EYA4: variants seen among roughly 807,000 people sequenced by gnomAD.
EYA4 encodes protein phosphatase EYA4.
EYA4 carries 31 observed loss-of-function variants against 87.9 expected under a neutral mutation model. The ratio of observed to expected loss-of-function variants is 0.35; its 90% CI spans 0.27 to 0.48. EYA4 has a LOEUF of 0.48. Ranked by LOEUF, EYA4 falls within the 20% of genes least tolerant of loss-of-function variation. The pLI is 0.99. For missense variants in EYA4, 678 were observed against 761.4 expected (o/e 0.89, Z 1.29); for synonymous variants, 263 against 270.6 (o/e 0.97, Z 0.28).
rs73557769 is a variant in EYA4 at position 133,300,130 on chromosome 6, G to A, written c.33+25317G>A. Among the ~76,000 whole-genome samples the A allele has an allele frequency of 1.4e-3, 210 of 152,142 alleles. 1 individual carries two copies. Among genetic ancestry groups the A allele is most frequent in the African/African-American group, 5.0e-3 (209 of 41,506 alleles). ...AATATTAAGAAAATCATAAGGAAGA[G>A]CAAGTAGATTTACTGTTCATTCAGT... is the stretch of plus-strand genomic sequence containing the variant. On this transcript the variant is annotated intron_variant, in intron 2 of 19. Transcript: ENST00000355286.
At chr6:133,272,522 A>C (rs545244403) in intron 1 of EYA4, among the ~76,000 whole-genome samples, 11 of 152,224 alleles carry the variant, frequency 7.2e-5, no homozygotes, top group African/African-American at 2.6e-4. Flanking sequence ...TGACTTGATG[A>C]CTCGTAGTCA....
intron 3 of EYA4, among the ~76,000 whole-genome samples, chr6:133,389,806 C>A (rs1163781310): frequency 1.3e-5 from 2 of 152,162 alleles, no homozygotes; most frequent in Non-Finnish European, 2.9e-5. Context: ...TATAGCCCCC[C>A]CAATTTTCTA....
At chr6:133,410,633 T>TTTTTTTTTTTTTTTTTTTTTTTGAGACAG (rs1554252061) in intron 3 of EYA4, among the ~76,000 whole-genome samples, 3 of 148,720 alleles carry the variant, frequency 2.0e-5, no homozygotes. Context: ...ACTAAGGTCT[T>TTTTTTTTTTTTTTTTTTTTTTTGAGACAG]AATTCCTTCT....
chr6:133,531,623 A>G lies in EYA4; in HGVS notation c.*2818A>G, dbSNP rs886197124. On this transcript the variant is annotated 3_prime_UTR_variant, in exon 20 of 20. Coordinates refer to ENST00000355286, the MANE Select transcript of EYA4 (RefSeq NM_004100.5). ...CCATAACAAAATAGGTGGCCTGGCT[A>G]TGGTATTATAGCATACAATTAGGAC... The G allele has an allele frequency of 1.1e-5, 2 of 182,674 alleles. No homozygotes were observed. Among genetic ancestry groups the G allele is most frequent in the Non-Finnish European group, 2.3e-5 (2 of 87,000 alleles). The allele number at this position is 182,674 out of a possible 1,614,324, so 11.3% of individuals were successfully genotyped here.
chr6:133,463,354 C>CTT (rs571663764), intron 9 of EYA4, among the ~76,000 whole-genome samples: 240 of 115,216 alleles, frequency 2.1e-3, no homozygotes, highest in African/African-American at 3.6e-3. Context: ...TGTGTTTTAT[C>CTT]TTTTTTTTTT....
At chr6:133,400,095 G>T (rs1788127596) in intron 3 of EYA4, among the ~76,000 whole-genome samples, 1 of 152,154 alleles carries the variant, frequency 6.6e-6, no homozygotes, top group African/African-American at 2.4e-5. Flanking sequence ...CATATTTATA[G>T]CTTTTTGCAC....
intron 19 of EYA4, chr6:133,525,841 A>G: frequency 1.1e-6 from 1 of 921,264 alleles, no homozygotes; most frequent in Non-Finnish European, 1.3e-6. Flanking sequence ...AGATTTTAAT[A>G]AGTGCTACTG....
At chr6:133,276,901 CAAAA>C (rs3065337) in intron 2 of EYA4, among the ~76,000 whole-genome samples, 6,947 of 133,674 alleles carry the variant, frequency 0.052, 555 homozygotes, top group African/African-American at 0.18. Context: ...ATAGAAATGT[CAAAA>C]AAAAAAAAAA....
At chr6:133,352,674 T>C (rs1225529312) in intron 2 of EYA4, among the ~76,000 whole-genome samples, 1 of 152,084 alleles carries the variant, frequency 6.6e-6, no homozygotes, top group Non-Finnish European at 1.5e-5. Context: ...AAAAAGAAAA[T>C]AATTGGAATC....
rs1013323240 is a variant in EYA4 at position 133,369,229 on chromosome 6, G to A, written c.34-13163G>A. On this transcript the variant is annotated intron_variant, in intron 2 of 19. Coordinates refer to ENST00000355286, the MANE Select transcript of EYA4 (RefSeq NM_004100.5). Reference sequence around the variant, plus strand: ...TTTTCATAAGCTATTAGAATAAAAGGGAATGTTAATATCAGATAATAGCAT... The same window carrying A: ...TTTTCATAAGCTATTAGAATAAAAGAGAATGTTAATATCAGATAATAGCAT... Among the ~76,000 whole-genome samples, 4 of 151,890 alleles carry A rather than the reference G, an allele frequency of 2.6e-5. No homozygotes were observed. In the South Asian group the frequency reaches 8.4e-4, roughly 32 times the overall value.
chr6:133,469,320 G>C (rs1191352400), intron 11 of EYA4, among the ~76,000 whole-genome samples: 1 of 152,068 alleles, frequency 6.6e-6, no homozygotes, highest in Non-Finnish European at 1.5e-5. Context: ...ATAATCCTAA[G>C]AAAAGTTCCA....
Position 133,528,899 on chromosome 6 carries a change from G to T in EYA4, c.*94G>T. 3 of 1,602,436 alleles carry T rather than the reference G, an allele frequency of 1.9e-6. No homozygotes were observed. Among genetic ancestry groups the T allele is most frequent in the Non-Finnish European group, 1.7e-6 (2 of 1,173,386 alleles). On this transcript the variant is annotated 3_prime_UTR_variant, in exon 20 of 20. Transcript: ENST00000355286. ...GCCTCTGGCTCTACACATATAAATT[G>T]TCTTAATGGATGAAATCATATTTGG...
At chr6:133,384,151 G>A (rs754531658) in intron 3 of EYA4, among the ~76,000 whole-genome samples, 6 of 152,114 alleles carry the variant, frequency 3.9e-5, no homozygotes, top group Non-Finnish European at 5.9e-5. Flanking sequence ...AACAGAAAGC[G>A]ATCAAACTGA....
Position 133,464,871 on chromosome 6 carries a change from T to A in EYA4, c.804+13T>A. On this transcript the variant is annotated intron_variant, in intron 10 of 19. Coordinates refer to ENST00000355286, the MANE Select transcript of EYA4 (RefSeq NM_004100.5). ...TGGTTCACAACAGGTATAGTAGCTTTTTGTGTTTATGCTTTTTATATGTAT... is the reference window on the plus strand; with the variant it reads ...TGGTTCACAACAGGTATAGTAGCTTATTGTGTTTATGCTTTTTATATGTAT... 1 of 1,570,894 alleles carries A rather than the reference T, an allele frequency of 6.4e-7. No homozygotes were observed. Among genetic ancestry groups the A allele is most frequent in the Non-Finnish European group, 8.8e-7 (1 of 1,141,854 alleles).
chr6:133,462,160 G>T (rs1049501640), intron 7 of EYA4, 175 bp from the exon 8 acceptor site: 5 of 732,770 alleles, frequency 6.8e-6, no homozygotes. Flanking sequence ...AGATTGGCTT[G>T]TAGCAGAGCC....
At chr6:133,270,035 G>T (rs950212588) in intron 1 of EYA4, among the ~76,000 whole-genome samples, 6 of 152,266 alleles carry the variant, frequency 3.9e-5, no homozygotes, top group African/African-American at 1.4e-4. Context: ...TTTTCTACCT[G>T]CTTTATATTC....
intron 3 of EYA4, among the ~76,000 whole-genome samples, chr6:133,436,039 T>A (rs2128597289): frequency 6.6e-6 from 1 of 152,110 alleles, no homozygotes; most frequent in South Asian, 2.1e-4. Context: ...GCCAACATGG[T>A]GAAACCCCGT....
chr6:133,495,864 C>T (rs1016102245), intron 13 of EYA4, among the ~76,000 whole-genome samples: 5 of 152,152 alleles, frequency 3.3e-5, no homozygotes, highest in Non-Finnish European at 7.4e-5. Flanking sequence ...TCCTGGGCTG[C>T]ATTTTGAGAA....
At chr6:133,477,947 C>CAGTT (rs1345718315) in intron 11 of EYA4, among the ~76,000 whole-genome samples, 4 of 151,856 alleles carry the variant, frequency 2.6e-5, no homozygotes, top group Admixed American at 2.6e-4. Context: ...AAAGATTTAA[C>CAGTT]AGTTACTTCA....
Sources: allele counts gnomAD v4.1 joint callset (sites outside exome capture counted in the v4.1 genomes callset), GRCh38; gene constraint gnomAD v4.1.1; transcripts MANE v1.5; gene names NCBI Gene and HGNC (gene_info 2026-07-23, HGNC 2026-07-21).